BRF1: variants seen among roughly 807,000 people sequenced by gnomAD.
BRF1 encodes the protein transcription factor IIIB 90 kDa subunit.
BRF1 carries 59 observed loss-of-function variants against 81.7 expected under a neutral mutation model. The ratio of observed to expected loss-of-function variants is 0.72; its 90% confidence interval spans 0.59 to 0.90. BRF1 has a LOEUF of 0.90. BRF1 is among the 40% of genes least tolerant of loss of function. The pLI is 0.00. For missense variants in BRF1, 1,050 were observed against 936.3 expected, an observed-to-expected ratio of 1.12 and a Z score of -1.58; for synonymous variants, 491 against 395.6, an observed-to-expected ratio of 1.24 and a Z score of -2.86.
chr14:105,281,531 G>C (rs1273590257), intron 2 of BRF1, among the ~76,000 whole-genome samples: 13 of 123,622 alleles, frequency 1.1e-4, no homozygotes, highest in East Asian at 7.7e-4. Context: ...TGTGTGGACA[G>C]AGCCTGCGTG....
Position 105,219,044 on chromosome 14 carries a change from G to C in BRF1, c.1469C>G (p.Ala490Gly), listed in dbSNP as rs778847334. 1 of 1,613,876 alleles carries C rather than the reference G, an allele frequency of 6.2e-7. No homozygotes were observed. Among genetic ancestry groups the C allele is most frequent in the Admixed American group, 1.7e-5 (1 of 60,024 alleles). Reference protein sequence around the residue: ...EYLREQREKEARIAKEKELGI... With the variant: ...EYLREQREKEGRIAKEKELGI... ...GAGCTCCTTCTCTTTCGCTATTCTT[G>C]CTTCTTTTTCTAAAAGTTCAGAAAG... is the stretch of plus-strand genomic sequence containing the variant. Residue 490 changes from alanine (A) to glycine (G), a missense_variant, in exon 14 of 18, where the codon GCA (alanine) becomes GGA (glycine). Ala to Gly is a moderately conservative substitution (Grantham distance 60). Around this residue, in one of 2 missense-constraint regions of BRF1, gnomAD observed 1,043 missense variants for 915.4 expected, o/e 1.14. Transcript: ENST00000547530.
intron 15 of BRF1, among the ~76,000 whole-genome samples, chr14:105,216,973 G>A (rs988699056): frequency 2.6e-5 from 4 of 152,212 alleles, no homozygotes; most frequent in Non-Finnish European, 5.9e-5. Context: ...AGGAGAGCCT[G>A]CAGCCGCCAC....
intron 3 of BRF1, among the ~76,000 whole-genome samples, chr14:105,260,508 A>G (rs2056100873): frequency 6.6e-6 from 1 of 152,018 alleles, no homozygotes; most frequent in Non-Finnish European, 1.5e-5. Flanking sequence ...AGTAGCTTGG[A>G]CTACAGGCAT....
chr14:105,280,125 C>T (rs886662223), intron 2 of BRF1, among the ~76,000 whole-genome samples: 1 of 152,200 alleles, frequency 6.6e-6, no homozygotes, highest in Non-Finnish European at 1.5e-5. Flanking sequence ...CTCATAATCG[C>T]CCAAGCCCAG....
chr14:105,217,119 C>A, intron 15 of BRF1: 1 of 222,678 alleles, frequency 4.5e-6, no homozygotes, highest in Non-Finnish European at 8.9e-6. Context: ...CCACCCACAT[C>A]CTCCTTCCTC....
rs1270994513 is a variant in BRF1 at position 105,269,092 on chromosome 14, A to G, written c.439+3629T>C. 2.0e-5 allele frequency among the ~76,000 whole-genome samples: 3 copies of G among 152,150 alleles called. No homozygotes were observed. The highest frequency in any genetic ancestry group is 4.4e-5 in the Non-Finnish European group (3 of 68,016). On this transcript the variant is annotated intron_variant, in intron 3 of 17. Transcript: ENST00000547530. The surrounding 1 kb of genome is among the most constrained non-coding windows in gnomAD (Gnocchi z 5.0). ...GCAGGAGAAAACAAGGAGGGCGGTG[A>G]GAGACGGAGACGTGTCCAGGATGGG...
intron 2 of BRF1, among the ~76,000 whole-genome samples, chr14:105,280,679 C>T (rs1372612980): frequency 2.0e-5 from 3 of 151,528 alleles, no homozygotes; most frequent in Non-Finnish European, 2.9e-5. Context: ...ATCCTGAGCC[C>T]GGCTGTGCGG....
chr14:105,285,434 T>C (rs1377414622), intron 2 of BRF1, among the ~76,000 whole-genome samples: 2 of 152,240 alleles, frequency 1.3e-5, no homozygotes, highest in East Asian at 3.8e-4. Flanking sequence ...TTTCAACACA[T>C]GGTCCTGAGA....
At chr14:105,250,144 C>T in intron 5 of BRF1, 1 of 1,612,990 alleles carries the variant, frequency 6.2e-7, no homozygotes, top group Non-Finnish European at 8.5e-7. Flanking sequence ...AGACCCACAG[C>T]ATCTTCCTGT....
At chr14:105,289,793 G>A (rs1284327373) in intron 1 of BRF1, among the ~76,000 whole-genome samples, 3 of 152,098 alleles carry the variant, frequency 2.0e-5, no homozygotes, top group South Asian at 4.1e-4. Context: ...GTGCCACCAC[G>A]CCCAGCTGAT....
intron 2 of BRF1, among the ~76,000 whole-genome samples, chr14:105,282,248 G>A (rs1212105036): frequency 3.3e-5 from 5 of 152,300 alleles, no homozygotes; most frequent in Non-Finnish European, 5.9e-5. Context: ...CAGTCTCAGC[G>A]TGTCCCCAGC....
At chr14:105,248,581 GCGGGCGGGACGGCGCCCCCCGCGGC>G in intron 5 of BRF1, 1 of 858,756 alleles carries the variant, frequency 1.2e-6, no homozygotes, top group Non-Finnish European at 1.4e-6. Context: ...GGGCGGGCGG[GCGGGCGGGACGGCGCCCCCCGCGGC>G]CGGGCCTGGC....
At chr14:105,251,395 A>G (rs1595390564) in intron 5 of BRF1, among the ~76,000 whole-genome samples, 1 of 152,238 alleles carries the variant, frequency 6.6e-6, no homozygotes, top group African/African-American at 2.4e-5. Flanking sequence ...AGCGTTCTGG[A>G]CCCTGGGGAC....
intron 1 of BRF1, among the ~76,000 whole-genome samples, chr14:105,312,355 C>T (rs1245134878): frequency 6.6e-6 from 1 of 152,230 alleles, no homozygotes; most frequent in Non-Finnish European, 1.5e-5. Context: ...CTCCCACAAC[C>T]TCCGGGGACC....
At chr14:105,218,456 C>T (rs7151185) in intron 14 of BRF1, among the ~76,000 whole-genome samples, 5,593 of 152,260 alleles carry the variant, frequency 0.037, 350 homozygotes, top group African/African-American at 0.13. Flanking sequence ...CATCTGCCAT[C>T]CCAGCCACCT....
chr14:105,303,541 C>A (rs907432749), upstream of BRF1, among the ~76,000 whole-genome samples: 1 of 152,198 alleles, frequency 6.6e-6, no homozygotes, highest in Non-Finnish European at 1.5e-5. Context: ...TCGCGCCTGG[C>A]CTTTTCCTAG....
chr14:105,290,087 C>T (rs1230993334), intron 1 of BRF1, among the ~76,000 whole-genome samples: 1 of 152,130 alleles, frequency 6.6e-6, no homozygotes, highest in Admixed American at 6.5e-5. Context: ...TAATAAATAA[C>T]TCATATAACA....
At chr14:105,226,528 T>C in intron 8 of BRF1, 106 bp downstream of exon 8, 1 of 1,566,794 alleles carries the variant, frequency 6.4e-7, no homozygotes, top group East Asian at 2.2e-5. Flanking sequence ...AGAGCGGCTA[T>C]GAGGCTTTGG....
At chr14:105,312,645 A>G (rs187221101) in intron 1 of BRF1, among the ~76,000 whole-genome samples, 1 of 152,354 alleles carries the variant, frequency 6.6e-6, no homozygotes, top group East Asian at 1.9e-4. Flanking sequence ...CACAGCCCTC[A>G]AGAGAAGGAC....
Sources: allele counts gnomAD v4.1 joint callset (sites outside exome capture counted in the v4.1 genomes callset), GRCh38; gene constraint gnomAD v4.1.1; regional missense constraint gnomAD v4.1.1; non-coding constraint Gnocchi (gnomAD v3.1); transcripts MANE v1.5; gene names NCBI Gene and HGNC (gene_info 2026-07-23, HGNC 2026-07-21).